Variants in TCF4 observed in about 807,000 individuals in gnomAD.
TCF4 encodes transcription factor 4.
TCF4 carries 3 observed loss-of-function variants against 82.1 expected under a neutral mutation model. That is an observed-to-expected ratio of 0.04 (90% CI 0.02 to 0.09). The LOEUF (loss-of-function observed/expected upper bound fraction) is 0.09. Ranked by LOEUF, TCF4 falls within the 10% of genes least tolerant of loss-of-function variation. The pLI is 1.00. For missense variants in TCF4, 518 were observed against 852.7 expected, an observed-to-expected ratio of 0.61 and a Z score of 4.89; for synonymous variants, 276 against 309.6, an observed-to-expected ratio of 0.89 and a Z score of 1.14.
chr18:55,629,367 G>A lies in TCF4; in HGVS notation c.286+1931C>T, dbSNP rs553335836. Among the ~76,000 whole-genome samples the A allele has an allele frequency of 5.3e-5, 8 of 152,214 alleles. No homozygotes were observed. In the South Asian group the frequency reaches 1.0e-3, roughly 20 times the overall value. ...ATTAAAATATCTGGATGGTGATGAC[G>A]AATGAAAGTTAACTAAATTTAGGGA... is the stretch of plus-strand genomic sequence containing the variant. On this transcript the variant is annotated intron_variant, in intron 2 of 20. Coordinates refer to the TCF4 transcript ENST00000398339.
intron 16 of TCF4, 54 bp from the exon 17 acceptor site, chr18:55,232,725 C>A (rs2048249477): frequency 2.5e-6 from 4 of 1,600,166 alleles, no homozygotes; most frequent in Non-Finnish European, 3.4e-6. Context: ...ACTGCCTGCA[C>A]ACCAGATTGC....
At chr18:55,392,459 C>A (rs1335269003) in intron 6 of TCF4, among the ~76,000 whole-genome samples, 1 of 119,160 alleles carries the variant, frequency 8.4e-6, no homozygotes, top group Admixed American at 8.3e-5. Flanking sequence ...CCCAACAACC[C>A]CACAAAAAAA....
intron 2 of TCF4, among the ~76,000 whole-genome samples, chr18:55,620,397 T>C (rs2097716523): frequency 6.6e-6 from 1 of 152,160 alleles, no homozygotes; most frequent in Non-Finnish European, 1.5e-5. Flanking sequence ...AATTATGAGG[T>C]TTCTTTAGAC....
At chr18:55,234,322 T>A (rs2048743753) in intron 16 of TCF4, 3 of 634,308 alleles carry the variant, frequency 4.7e-6, no homozygotes, top group Non-Finnish European at 8.2e-6. Context: ...TCCCTGCTGA[T>A]ATAGGACCAG....
rs550341501 is a variant in TCF4 at position 55,446,172 on chromosome 18, C to G, written c.304+14847G>C. Among the ~76,000 whole-genome samples, 10 of 152,194 alleles carry G rather than the reference C, an allele frequency of 6.6e-5. No individual in the cohort carries two copies. The East Asian group carries it at 1.9e-3, about 29-fold the overall frequency. ...GGGGACTCTAATGTGCTGTGTGAGG[C>G]TCAAGAGCCAGCTTGCAAGAAAGAA... On this transcript the variant is annotated intron_variant, in intron 5 of 19. Coordinates refer to ENST00000354452, the MANE Select transcript of TCF4 (RefSeq NM_001083962.2).
At chr18:55,339,080 CTGTT>C (rs2079249195) in intron 8 of TCF4, among the ~76,000 whole-genome samples, 1 of 152,074 alleles carries the variant, frequency 6.6e-6, no homozygotes, top group Admixed American at 6.5e-5. Flanking sequence ...GCTTTCCTGT[CTGTT>C]TAAAAAAAAT....
At chr18:55,503,826 G>C (rs2096725386) in intron 3 of TCF4, among the ~76,000 whole-genome samples, 1 of 152,166 alleles carries the variant, frequency 6.6e-6, no homozygotes, top group Admixed American at 6.5e-5. Flanking sequence ...TGTAATCCCA[G>C]CACTTTGGGA....
intron 8 of TCF4, among the ~76,000 whole-genome samples, chr18:55,309,893 T>C (rs2071731957): frequency 6.6e-6 from 1 of 152,182 alleles, no homozygotes; most frequent in Non-Finnish European, 1.5e-5. Flanking sequence ...TAGTTTCACT[T>C]ACAGGAAATT....
At chr18:55,264,939 C>G (rs1456788833) in intron 11 of TCF4, 1 of 152,140 alleles carries the variant, frequency 6.6e-6, no homozygotes, top group African/African-American at 2.4e-5. Context: ...GCCTGCCACC[C>G]AAGTATTGTT....
rs148573556 is a variant in TCF4 at position 55,279,622 on chromosome 18, T to C, written c.584A>G (p.Asn195Ser). ...YAPSASTADY[N>S]RDSPGYPSSK... ...GGAAGGATAGCCTGGCGAGTCCCTA[T>C]TGTAGTCGGCAGTGCTTGCTGATGG... The change falls in exon 9 of 20, where the codon AAT (asparagine) becomes AGT (serine). Residue 195 changes from asparagine to serine, a missense_variant. Asn to Ser is a conservative substitution (Grantham distance 46, BLOSUM62 1). Coordinates refer to ENST00000354452, the MANE Select transcript of TCF4 (RefSeq NM_001083962.2). The C allele has an allele frequency of 9.3e-6, 15 of 1,613,894 alleles. No homozygotes were observed. The highest frequency in any genetic ancestry group is 2.2e-5 in the South Asian group (2 of 91,094).
At chr18:55,499,205 A>T (rs373996409) in intron 3 of TCF4, among the ~76,000 whole-genome samples, 99 of 152,200 alleles carry the variant, frequency 6.5e-4, no homozygotes, top group African/African-American at 2.3e-3. Context: ...TTCCTTTGCT[A>T]AACTGCAATT....
chr18:55,456,494 C>T (rs2095757645), intron 5 of TCF4, among the ~76,000 whole-genome samples: 1 of 152,148 alleles, frequency 6.6e-6, no homozygotes, highest in Non-Finnish European at 1.5e-5. Flanking sequence ...CCTTCAGTCA[C>T]AAATGCATGT....
At chr18:55,407,879 C>A (rs556026097) in intron 5 of TCF4, among the ~76,000 whole-genome samples, 1 of 151,882 alleles carries the variant, frequency 6.6e-6, no homozygotes, top group East Asian at 1.9e-4. Flanking sequence ...AACTGGGTGA[C>A]AATGAAAATA....
intron 5 of TCF4, among the ~76,000 whole-genome samples, chr18:55,459,640 G>A (rs1251449399): frequency 3.3e-5 from 5 of 152,110 alleles, no homozygotes; most frequent in African/African-American, 1.2e-4. Context: ...ACACTGAAGA[G>A]TCAAAAGCTG....
chr18:55,437,963 G>T (rs2095363453), intron 5 of TCF4, among the ~76,000 whole-genome samples: 2 of 152,166 alleles, frequency 1.3e-5, no homozygotes, highest in African/African-American at 4.8e-5. Flanking sequence ...CACTTTCGGA[G>T]GCCAAGGTGG....
intron 8 of TCF4, among the ~76,000 whole-genome samples, chr18:55,345,106 G>A (rs2080873884): frequency 1.3e-5 from 2 of 152,050 alleles, no homozygotes; most frequent in Admixed American, 6.6e-5. Context: ...ATATTAGAAT[G>A]CCTAATAGTA....
chr18:55,385,112 T>C (rs1392574283), intron 6 of TCF4, among the ~76,000 whole-genome samples: 1 of 151,816 alleles, frequency 6.6e-6, no homozygotes, highest in East Asian at 1.9e-4. Flanking sequence ...TGATTGGAAG[T>C]AGAGAAATCA....
intron 6 of TCF4, among the ~76,000 whole-genome samples, chr18:55,371,153 C>T (rs1603400711): frequency 6.6e-6 from 1 of 152,186 alleles, no homozygotes; most frequent in South Asian, 2.1e-4. Context: ...TTTTATTCCT[C>T]CTCCACTTTG....
At chr18:55,621,787 A>G (rs1158738800) in intron 2 of TCF4, among the ~76,000 whole-genome samples, 1 of 89,816 alleles carries the variant, frequency 1.1e-5, no homozygotes, top group Admixed American at 2.0e-4. Context: ...TATAATATAT[A>G]TTATATATTA....
Sources: allele counts gnomAD v4.1 joint callset (sites outside exome capture counted in the v4.1 genomes callset), GRCh38; gene constraint gnomAD v4.1.1; transcripts MANE v1.5; gene names NCBI Gene and HGNC (gene_info 2026-07-23, HGNC 2026-07-21).